Variants in TM9SF3 observed in about 807,000 individuals in gnomAD.
TM9SF3 encodes the protein transmembrane 9 superfamily member 3, also known as SM-11044-binding protein.
A neutral mutation model predicts 78.6 loss-of-function variants in TM9SF3; 14 were observed. The observed-to-expected ratio is 0.18, with a 90% CI of 0.12 to 0.28. The LOEUF (loss-of-function observed/expected upper bound fraction) is 0.28. Ranked by LOEUF, TM9SF3 falls within the 10% of genes least tolerant of loss-of-function variation. The pLI, the probability that TM9SF3 is intolerant of heterozygous loss-of-function variation, is 1.00. For synonymous variants in TM9SF3, 231 were observed against 241.7 expected, an observed-to-expected ratio of 0.96 and a Z score of 0.41; for missense variants, 496 against 721.9, an observed-to-expected ratio of 0.69 and a Z score of 3.59.
chr10:96,537,644 C>A (rs976462898), intron 9 of TM9SF3, among the ~76,000 whole-genome samples: 1 of 152,118 alleles, frequency 6.6e-6, no homozygotes, highest in African/African-American at 2.4e-5. Context: ...GCAAGCCTGG[C>A]CAACATGGTG....
chr10:96,554,005 T>C (rs894816445), intron 5 of TM9SF3, among the ~76,000 whole-genome samples: 2 of 152,178 alleles, frequency 1.3e-5, no homozygotes, highest in Non-Finnish European at 2.9e-5. Flanking sequence ...CTGTCTTCTA[T>C]GACACAACCT....
chr10:96,549,838 AGCTGCC>A (rs1848147076), intron 7 of TM9SF3, among the ~76,000 whole-genome samples: 1 of 147,468 alleles, frequency 6.8e-6, no homozygotes, highest in Admixed American at 6.8e-5. Flanking sequence ...AAAAAAAAAG[AGCTGCC>A]GAATTGTAAC....
At chr10:96,530,654 T>A in intron 10 of TM9SF3, 46 bp from the exon 11 acceptor site, 1 of 1,519,766 alleles carries the variant, frequency 6.6e-7, no homozygotes, top group South Asian at 1.2e-5. Context: ...ATGATTTCCA[T>A]GTTATATAAA....
intron 1 of TM9SF3, among the ~76,000 whole-genome samples, chr10:96,581,449 C>T (rs1848568530): frequency 6.6e-6 from 1 of 152,080 alleles, no homozygotes; most frequent in African/African-American, 2.4e-5. Flanking sequence ...ATCATAATTT[C>T]AAAACCTTTA....
In TM9SF3 at chr10:96,525,896, T is replaced by TA. The variant is rs1004543205; in HGVS notation, c.1702+1316dup. Among the ~76,000 whole-genome samples, 6 of 152,170 alleles carry TA rather than the reference T, an allele frequency of 3.9e-5. No individual in the cohort carries two copies. The East Asian group carries it at 5.8e-4, about 15-fold the overall frequency. ...CCCTTAAGTTACCTCTGCCAGAACT[T>TA]AGAGTCATAAAGTTGTTCTGAGATG... On this transcript the variant is annotated intron_variant, in intron 14 of 14. Transcript: ENST00000371142.
At chr10:96,547,673 G>A (rs961509751) in intron 8 of TM9SF3, among the ~76,000 whole-genome samples, 2 of 152,128 alleles carry the variant, frequency 1.3e-5, no homozygotes, top group Admixed American at 6.5e-5. Context: ...CACAAAATTA[G>A]CTGGGCATGG....
At chr10:96,554,437 G>A (rs1403429565) in intron 5 of TM9SF3, among the ~76,000 whole-genome samples, 1 of 152,090 alleles carries the variant, frequency 6.6e-6, no homozygotes, top group African/African-American at 2.4e-5. Flanking sequence ...CGATTCAGCA[G>A]CCAATTATCT....
chr10:96,581,099 A>G (rs1848563988), intron 1 of TM9SF3, among the ~76,000 whole-genome samples: 1 of 152,252 alleles, frequency 6.6e-6, no homozygotes, highest in African/African-American at 2.4e-5. Context: ...CTGAAAGAAA[A>G]AAAACCTTCT....
At chr10:96,556,842 T>C (rs1360694898) in intron 5 of TM9SF3, among the ~76,000 whole-genome samples, 2 of 152,160 alleles carry the variant, frequency 1.3e-5, no homozygotes, top group Non-Finnish European at 2.9e-5. Context: ...ACCAAAATCG[T>C]TGTCAAGTTC....
chr10:96,522,757 A>T (rs1847794124), intron 14 of TM9SF3, among the ~76,000 whole-genome samples: 1 of 151,936 alleles, frequency 6.6e-6, no homozygotes, highest in Non-Finnish European at 1.5e-5. Context: ...GTGACTGAAA[A>T]TTCTCTTAAG....
intron 1 of TM9SF3, among the ~76,000 whole-genome samples, chr10:96,580,264 T>TTG (rs34141133): frequency 0.19 from 28,815 of 150,740 alleles, 2,994 homozygotes; most frequent in Middle Eastern, 0.29. Flanking sequence ...TGCTTCATCT[T>TTG]TGTGTGTGTG....
At chr10:96,530,249 T>C (rs1589446701) in intron 11 of TM9SF3, among the ~76,000 whole-genome samples, 1 of 152,226 alleles carries the variant, frequency 6.6e-6, no homozygotes, top group Non-Finnish European at 1.5e-5. Flanking sequence ...CCTTAAATCA[T>C]GCATATGATC....
In TM9SF3 at chr10:96,520,038, TTCATA is replaced by T. The variant is rs1186566968; in HGVS notation, c.*2220_*2224del. 6.6e-6 allele frequency: 1 copy of T among 151,948 alleles called. No individual in the cohort carries two copies. The highest frequency in any genetic ancestry group is 2.4e-5 in the African/African-American group (1 of 41,432). The allele number at this position is 151,948 out of a possible 1,614,324, so 9.4% of individuals were successfully genotyped here. A position where few individuals can be genotyped will look rare whatever the true frequency, so the allele number is the denominator to read the frequency against. On this transcript the variant is annotated 3_prime_UTR_variant, in exon 15 of 15. Coordinates refer to ENST00000371142, the MANE Select transcript of TM9SF3 (RefSeq NM_020123.4). The stretch of plus-strand genomic sequence containing the variant: ...TAAACCCTACATCTTACCTGCAAGA[TTCATA>T]TCATGAGAAACAAATTTCATTTTAT...
Position 96,521,515 on chromosome 10 carries a change from T to C in TM9SF3, c.*748A>G, listed in dbSNP as rs907208384. The C allele has an allele frequency of 1.3e-5, 2 of 152,410 alleles. No individual in the cohort carries two copies. The highest frequency in any genetic ancestry group is 2.4e-5 in the African/African-American group (1 of 41,434). 9.4% of individuals were successfully genotyped at this position (152,410 alleles called of 1,614,324 possible). On this transcript the variant is annotated 3_prime_UTR_variant, in exon 15 of 15. Coordinates refer to ENST00000371142, the MANE Select transcript of TM9SF3 (RefSeq NM_020123.4). ...ACAAGTATCTTCTCCATTTAACACTTTGCTTTCTAACTGTACAGTAAATTG... is the reference window on the plus strand; with the variant it reads ...ACAAGTATCTTCTCCATTTAACACTCTGCTTTCTAACTGTACAGTAAATTG...
At chr10:96,530,978 C>G (rs959013859) in intron 10 of TM9SF3, among the ~76,000 whole-genome samples, 1 of 151,828 alleles carries the variant, frequency 6.6e-6, no homozygotes, top group African/African-American at 2.4e-5. Context: ...AACGAAGAGT[C>G]TAGAGACCTC....
Position 96,521,459 on chromosome 10 carries a change from GT to G in TM9SF3, c.*803del, listed in dbSNP as rs1847771614. The stretch of plus-strand genomic sequence containing the variant: ...ACTTTAGACATTCAGTTAAAATGTA[GT>G]TTATCTAAATCTCAAAATGTTTAAT... On this transcript the variant is annotated 3_prime_UTR_variant, in exon 15 of 15. Transcript: ENST00000371142. 6.6e-6 allele frequency: 1 copy of G among 152,438 alleles called. No individual in the cohort carries two copies. Among genetic ancestry groups the G allele is most frequent in the South Asian group, 2.1e-4 (1 of 4,830 alleles). The allele number at this position is 152,438 out of a possible 1,614,324, so 9.4% of individuals were successfully genotyped here.
chr10:96,575,049 G>A (rs1848481489), intron 2 of TM9SF3, among the ~76,000 whole-genome samples: 1 of 151,402 alleles, frequency 6.6e-6, no homozygotes, highest in Non-Finnish European at 1.5e-5. Context: ...TTCTGCACAA[G>A]TACCCCAGAT....
chr10:96,547,479 C>T (rs1848115595), intron 8 of TM9SF3, among the ~76,000 whole-genome samples: 1 of 152,152 alleles, frequency 6.6e-6, no homozygotes, highest in Admixed American at 6.5e-5. Flanking sequence ...CAAGACAGAA[C>T]ACACAATAGG....
intron 6 of TM9SF3, 121 bp downstream of exon 6, chr10:96,552,807 A>C (rs1848190151): frequency 1.0e-6 from 1 of 991,992 alleles, no homozygotes; most frequent in Non-Finnish European, 1.3e-6. Context: ...CTTAACTCTA[A>C]AAATCCTGAA....
Sources: allele counts gnomAD v4.1 joint callset (sites outside exome capture counted in the v4.1 genomes callset), GRCh38; gene constraint gnomAD v4.1.1; transcripts MANE v1.5; gene names NCBI Gene and HGNC (gene_info 2026-07-23, HGNC 2026-07-21).